Variants in ADAM29 observed in about 807,000 individuals in gnomAD.
The protein encoded by ADAM29 is disintegrin and metalloproteinase domain-containing protein 29.
For missense variants in ADAM29, 969 were observed against 1,001.8 expected, an observed-to-expected ratio of 0.97 and a Z score of 0.44; for synonymous variants, 367 against 342.3, an observed-to-expected ratio of 1.07 and a Z score of -0.80.
At chr4:174,957,097 T>C (rs183345426) in intron 4 of ADAM29, among the ~76,000 whole-genome samples, 88 of 152,080 alleles carry the variant, frequency 5.8e-4, no homozygotes, top group Non-Finnish European at 1.1e-3. Context: ...GCTTCATATA[T>C]GACAGCTAAA....
chr4:174,954,013 C>G (rs1249058964), intron 4 of ADAM29, among the ~76,000 whole-genome samples: 1 of 152,044 alleles, frequency 6.6e-6, no homozygotes, highest in Admixed American at 6.6e-5. Flanking sequence ...TGCCTGGCCC[C>G]CATCTTTATT....
intron 4 of ADAM29, among the ~76,000 whole-genome samples, chr4:174,947,522 G>C (rs1453593682): frequency 6.6e-6 from 1 of 152,168 alleles, no homozygotes. Flanking sequence ...TTCAGAAACA[G>C]GTTGTTTAAA....
At chr4:174,931,787 A>G (rs1181661118) in intron 3 of ADAM29, among the ~76,000 whole-genome samples, 1 of 150,756 alleles carries the variant, frequency 6.6e-6, no homozygotes, top group Non-Finnish European at 1.5e-5. Flanking sequence ...AGTACCTACC[A>G]TAATTTATAC....
rs1743844334 is a variant in ADAM29 at position 174,931,144 on chromosome 4, A to G, written c.-292A>G. 1 of 152,370 alleles carries G rather than the reference A, an allele frequency of 6.6e-6. No individual in the cohort carries two copies. The highest frequency in any genetic ancestry group is 3.4e-3 in the Middle Eastern group (1 of 296). The allele number at this position is 152,370 out of a possible 1,614,324, so 9.4% of individuals were successfully genotyped here. On this transcript the variant is annotated 5_prime_UTR_variant, in exon 3 of 5. Coordinates refer to ENST00000359240, the MANE Select transcript of ADAM29 (RefSeq NM_014269.4). ...CCCCATCCAGTCCTCTTTGCGTGGAATCAGACCTCTTTTGCAGTGGAAAGG... is the reference window on the plus strand; with the variant it reads ...CCCCATCCAGTCCTCTTTGCGTGGAGTCAGACCTCTTTTGCAGTGGAAAGG...
chr4:174,937,107 C>T (rs1296447946), intron 4 of ADAM29, 94 bp downstream of exon 4: 1 of 151,954 alleles, frequency 6.6e-6, no homozygotes, highest in Non-Finnish European at 1.5e-5. Context: ...CCGTGCTATA[C>T]ACATTGACAC....
At chr4:174,954,335 C>A (rs184557904) in intron 4 of ADAM29, among the ~76,000 whole-genome samples, 3 of 152,094 alleles carry the variant, frequency 2.0e-5, no homozygotes, top group South Asian at 2.1e-4. Context: ...ATCTTCAAAC[C>A]AGACACATGT....
At chr4:174,963,225 G>A (rs1254786122) in intron 4 of ADAM29, among the ~76,000 whole-genome samples, 1 of 152,080 alleles carries the variant, frequency 6.6e-6, no homozygotes. Flanking sequence ...CAGGGTGAGG[G>A]GGACAAATCT....
In ADAM29 at chr4:174,942,199, C is replaced by A. The variant is rs890407847; in HGVS notation, c.-181+5186C>A. ...CATTGAGTGCTGCAGCTTTTCCAAG[C>A]GCATGGTGAAAGCTGTTGGGGGATC... On this transcript the variant is annotated intron_variant, in intron 4 of 4. Transcript: ENST00000359240. Among the ~76,000 whole-genome samples, 4 of 152,124 alleles carry A rather than the reference C, an allele frequency of 2.6e-5. 1 individual carries two copies. The South Asian group carries it at 8.3e-4, about 32-fold the overall frequency.
chr4:174,920,961 G>A (rs760060626), intron 2 of ADAM29, among the ~76,000 whole-genome samples, 169 bp downstream of exon 2: 1 of 151,960 alleles, frequency 6.6e-6, no homozygotes, highest in African/African-American at 2.4e-5. Flanking sequence ...AGAAAATGTC[G>A]ATTGATCATT....
intron 4 of ADAM29, among the ~76,000 whole-genome samples, chr4:174,952,588 G>A (rs998485280): frequency 8.5e-5 from 13 of 152,108 alleles, no homozygotes; most frequent in Admixed American, 3.3e-4. Context: ...CTAAATGGGC[G>A]ATGGAAACTA....
chr4:174,919,368 A>G (rs1018768006), intron 1 of ADAM29, among the ~76,000 whole-genome samples: 11 of 152,250 alleles, frequency 7.2e-5, no homozygotes, highest in East Asian at 5.8e-4. Context: ...AAATGTATTC[A>G]TTTTCTGTGG....
intron 2 of ADAM29, among the ~76,000 whole-genome samples, chr4:174,922,339 C>T (rs1743210240): frequency 6.6e-6 from 1 of 152,138 alleles, no homozygotes; most frequent in Non-Finnish European, 1.5e-5. Flanking sequence ...TTATTGGACC[C>T]ATTAGAGAAC....
intron 4 of ADAM29, among the ~76,000 whole-genome samples, chr4:174,974,593 GTTC>G (rs1263832294): frequency 2.0e-5 from 3 of 152,132 alleles, no homozygotes; most frequent in Non-Finnish European, 2.9e-5. Flanking sequence ...GTTGAATAAT[GTTC>G]TTCTTTAAAA....
chr4:174,962,289 A>G (rs1745870433), intron 4 of ADAM29, among the ~76,000 whole-genome samples: 1 of 152,106 alleles, frequency 6.6e-6, no homozygotes, highest in Non-Finnish European at 1.5e-5. Context: ...GGGCGGGCAG[A>G]TCATGAGGTC....
intron 4 of ADAM29, among the ~76,000 whole-genome samples, chr4:174,944,755 C>G (rs558861036): frequency 6.6e-6 from 1 of 152,146 alleles, no homozygotes; most frequent in Non-Finnish European, 1.5e-5. Context: ...ATGTTTAGCT[C>G]CCACTTATAA....
chr4:174,943,155 A>C (rs761954773), intron 4 of ADAM29, among the ~76,000 whole-genome samples: 2 of 152,216 alleles, frequency 1.3e-5, no homozygotes, highest in African/African-American at 2.4e-5. Context: ...TTCATTGTCC[A>C]TACCACTATT....
chr4:174,921,339 A>G (rs188078561), intron 2 of ADAM29, among the ~76,000 whole-genome samples: 1 of 152,328 alleles, frequency 6.6e-6, no homozygotes, highest in African/African-American at 2.4e-5. Context: ...GGCATGTGAC[A>G]TTACGCACAC....
At position 174,976,267 on chromosome 4, in the gene ADAM29, T is replaced by G. The variant is rs1746784581; in HGVS notation, c.742T>G (p.Leu248Val). ...VIGVKVLLFG[L>V]EIWTNKNLIV... ...TGGTGTTAAGGTGTTATTATTTGGT[T>G]TGGAGATCTGGACCAATAAAAACCT... is the stretch of plus-strand genomic sequence containing the variant. The change falls in exon 5 of 5, where the codon TTG (leucine) becomes GTG (valine). Residue 248 changes from leucine to valine, a missense_variant. Physicochemically the swap from Leu to Val is conservative, Grantham distance 32. Transcript: ENST00000359240. 1 of 1,610,142 alleles carries G rather than the reference T, an allele frequency of 6.2e-7. No homozygotes were observed. The highest frequency in any genetic ancestry group is 1.3e-5 in the African/African-American group (1 of 74,716).
intron 4 of ADAM29, among the ~76,000 whole-genome samples, chr4:174,955,950 G>A (rs1466351605): frequency 2.0e-5 from 3 of 151,992 alleles, no homozygotes; most frequent in Non-Finnish European, 4.4e-5. Context: ...ACTTCAGTAA[G>A]ATGCATTTTG....
Sources: allele counts gnomAD v4.1 joint callset (sites outside exome capture counted in the v4.1 genomes callset), GRCh38; gene constraint gnomAD v4.1.1; transcripts MANE v1.5; gene names NCBI Gene and HGNC (gene_info 2026-07-23, HGNC 2026-07-21).